FBP1: variants seen among roughly 807,000 people sequenced by gnomAD.
The protein encoded by FBP1 is fructose-bisphosphatase 1, also known as fructose-1,6-bisphosphatase 1.
FBP1 carries 22 observed loss-of-function variants against 29.9 expected under a neutral mutation model. The observed-to-expected ratio is 0.74, with a 90% CI of 0.53 to 1.05. The LOEUF (loss-of-function observed/expected upper bound fraction) is 1.05. Ranked by LOEUF, FBP1 falls within the 50% of genes least tolerant of loss-of-function variation. FBP1 has a pLI of 0.00. For synonymous variants in FBP1, 175 were observed against 178.6 expected (o/e 0.98, Z 0.16); for missense variants, 345 against 448.2 (o/e 0.77, Z 2.08).
chr9:94,635,624 G>A lies in FBP1; in HGVS notation c.170+3517C>T, dbSNP rs1587869032. On this transcript the variant is annotated intron_variant, in intron 1 of 6. Coordinates refer to ENST00000375326, the MANE Select transcript of FBP1 (RefSeq NM_000507.4). Reference sequence around the variant, plus strand: ...GTTGGGGGCCTGGCTTGAGAATCATGCTACCTGCCTGATGACATGTGATAC... The same window carrying A: ...GTTGGGGGCCTGGCTTGAGAATCATACTACCTGCCTGATGACATGTGATAC... Among the ~76,000 whole-genome samples, 3 of 152,326 alleles carry A rather than the reference G, an allele frequency of 2.0e-5. No individual in the cohort carries two copies. The South Asian group carries it at 6.2e-4, about 32-fold the overall frequency.
intron 2 of FBP1, 145 bp from the exon 3 acceptor site, chr9:94,618,005 A>T (rs1006768213): frequency 7.3e-5 from 50 of 685,546 alleles, no homozygotes; most frequent in Middle Eastern, 3.0e-4. Context: ...GGAAGGCATG[A>T]GATGGCATAC....
intron 1 of FBP1, among the ~76,000 whole-genome samples, chr9:94,628,922 T>C (rs553649384): frequency 5.3e-5 from 8 of 152,362 alleles, no homozygotes; most frequent in Admixed American, 1.3e-4. Context: ...ATCAAGTTTA[T>C]AAAACAAGTA....
intron 1 of FBP1, among the ~76,000 whole-genome samples, chr9:94,630,805 G>C (rs1828094064): frequency 6.6e-6 from 1 of 151,116 alleles, no homozygotes; most frequent in South Asian, 2.1e-4. Flanking sequence ...ATCAAGTTGT[G>C]CAAAGCCCCT....
intron 3 of FBP1, among the ~76,000 whole-genome samples, chr9:94,612,078 A>G (rs1418868756): frequency 6.6e-6 from 1 of 152,228 alleles, no homozygotes; most frequent in Non-Finnish European, 1.5e-5. Context: ...GGAGCTAAAC[A>G]CAGACTAAAC....
chr9:94,639,160 T>G lies in FBP1; in HGVS notation c.151A>C (p.Lys51Gln). Reference protein sequence around the residue: ...AVKAISSAVRKAGIAHLYGIA... With the variant: ...AVKAISSAVRQAGIAHLYGIA... ...ACTCACAGGTGCGCGATGCCCGCCTTGCGCACCGCCGAAGAGATGGCTTTG... is the reference window on the plus strand; with the variant it reads ...ACTCACAGGTGCGCGATGCCCGCCTGGCGCACCGCCGAAGAGATGGCTTTG... Residue 51 changes from lysine to glutamine, a missense_variant, in exon 1 of 7, where the codon AAG becomes CAG. Transcript: ENST00000375326. 1 of 1,603,448 alleles carries G rather than the reference T, an allele frequency of 6.2e-7. No homozygotes were observed. The highest frequency in any genetic ancestry group is 8.5e-7 in the Non-Finnish European group (1 of 1,175,436).
intron 3 of FBP1, among the ~76,000 whole-genome samples, chr9:94,615,575 T>C (rs1364747645): frequency 6.6e-6 from 1 of 152,220 alleles, no homozygotes; most frequent in Non-Finnish European, 1.5e-5. Flanking sequence ...AATGGTATGT[T>C]CCTTGGCATG....
intron 4 of FBP1, among the ~76,000 whole-genome samples, chr9:94,607,917 T>G (rs1359923959): frequency 6.6e-6 from 1 of 152,250 alleles, no homozygotes; most frequent in African/African-American, 2.4e-5. Context: ...TCACTGGAAG[T>G]GATTCTTCTT....
At chr9:94,633,372 G>A (rs1459842400) in intron 1 of FBP1, among the ~76,000 whole-genome samples, 1 of 152,046 alleles carries the variant, frequency 6.6e-6, no homozygotes, top group African/African-American at 2.4e-5. Flanking sequence ...CTCCAGTCAC[G>A]CAACTGCCCC....
At chr9:94,634,139 C>T (rs1003790680) in intron 1 of FBP1, among the ~76,000 whole-genome samples, 11 of 150,978 alleles carry the variant, frequency 7.3e-5, no homozygotes, top group South Asian at 2.1e-4. Context: ...ACTGAAAATA[C>T]AAAAAAATTA....
Position 94,606,799 on chromosome 9 carries a change from C to T in FBP1, c.705+16G>A. 6.2e-7 allele frequency: 1 copy of T among 1,612,052 alleles called. No homozygotes were observed. Among genetic ancestry groups the T allele is most frequent in the Non-Finnish European group, 8.5e-7 (1 of 1,179,034 alleles). Reference sequence around the variant, plus strand: ...ATGCCCAGAACCTGCACCACCCTCCCCGGGCCCTCACTTACTGGGGGGAAC... The same window carrying T: ...ATGCCCAGAACCTGCACCACCCTCCTCGGGCCCTCACTTACTGGGGGGAAC... On this transcript the variant is annotated intron_variant, in intron 5 of 6. Transcript: ENST00000375326.
chr9:94,631,124 T>C (rs533477895), intron 1 of FBP1, among the ~76,000 whole-genome samples: 272 of 152,352 alleles, frequency 1.8e-3, no homozygotes, highest in Non-Finnish European at 3.0e-3. Context: ...ACTTCAATTT[T>C]ATTCAAATTA....
chr9:94,605,957 G>A (rs1827693301), intron 5 of FBP1, among the ~76,000 whole-genome samples: 2 of 152,150 alleles, frequency 1.3e-5, no homozygotes, highest in African/African-American at 2.4e-5. Context: ...TACAGGAGAG[G>A]AAACTGCACA....
rs1316405512 is a variant in FBP1, at chr9:94,603,456, C to T, written c.942G>A (p.Arg314=). 5 of 1,613,942 alleles carry T rather than the reference C, an allele frequency of 3.1e-6. No homozygotes were observed. Among genetic ancestry groups the T allele is most frequent in the Non-Finnish European group, 3.4e-6 (4 of 1,179,970 alleles). ...CGGGGGATCCCAAGATCACCGGCGC[C>T]CTCTGGTGAATGTCTGTGGGAATGA... ...LDVIPTDIHQ[R]APVILGSPDD... Residue 314 remains arginine, a synonymous_variant, in exon 7 of 7, where the codon AGG becomes AGA. Coordinates refer to ENST00000375326, the MANE Select transcript of FBP1 (RefSeq NM_000507.4).
At chr9:94,626,304 A>G (rs1828025453) in intron 1 of FBP1, among the ~76,000 whole-genome samples, 2 of 152,240 alleles carry the variant, frequency 1.3e-5, no homozygotes, top group South Asian at 4.1e-4. Flanking sequence ...GCTTCCAGAA[A>G]AGCACAGGAA....
Position 94,624,255 on chromosome 9 carries a change from G to A in FBP1, c.171-3764C>T, listed in dbSNP as rs28369673. On this transcript the variant is annotated intron_variant, in intron 1 of 6. Transcript: ENST00000375326. ...CAGGAGGCTGAGGCAGAAGAATGGC[G>A]TGAACCCGGGAGGCGGAGCTTGCAG... Among the ~76,000 whole-genome samples, 38 of 151,312 alleles carry A rather than the reference G, an allele frequency of 2.5e-4. No individual in the cohort carries two copies. In the East Asian group the frequency reaches 6.8e-3, roughly 27 times the overall value.
intron 4 of FBP1, among the ~76,000 whole-genome samples, chr9:94,608,606 C>T (rs1827735557): frequency 1.3e-5 from 2 of 152,052 alleles, no homozygotes; most frequent in Admixed American, 1.3e-4. Flanking sequence ...CACTAACTCC[C>T]CCACCCCACC....
rs1209657034 is a variant in FBP1, at chr9:94,639,179, G to GC, written c.131_132insG (p.Ile45HisfsTer25). The GC allele has an allele frequency of 1.2e-6, 2 of 1,605,792 alleles. No individual in the cohort carries two copies. Among genetic ancestry groups the GC allele is most frequent in the African/African-American group, 2.7e-5 (2 of 74,926 alleles). ...CCGCCTTGCGCACCGCCGAAGAGAT[G>GC]GCTTTGACTGCTGTGCAGAGCGAGT... On this transcript the variant is annotated frameshift_variant, in exon 1 of 7. Coordinates refer to ENST00000375326, the MANE Select transcript of FBP1 (RefSeq NM_000507.4). LOFTEE classifies it high-confidence loss of function.
intron 3 of FBP1, among the ~76,000 whole-genome samples, chr9:94,612,349 G>C (rs1050566303): frequency 6.6e-6 from 1 of 152,002 alleles, no homozygotes. Context: ...AGAACCATCC[G>C]TGCCGGCCTG....
At position 94,611,106 on chromosome 9, in the gene FBP1, A is replaced by G. The variant is rs28369725; in HGVS notation, c.427-1045T>C. The stretch of plus-strand genomic sequence containing the variant: ...TCTCTATTTCCTGACCTCGTGATCC[A>G]CCTGCCTCGGCCTCCCAAAGTGCTG... On this transcript the variant is annotated intron_variant, in intron 3 of 6. Transcript: ENST00000375326. Among the ~76,000 whole-genome samples, 255 of 151,896 alleles carry G rather than the reference A, an allele frequency of 1.7e-3. 1 individual carries two copies. Among genetic ancestry groups the G allele is most frequent in the African/African-American group, 6.0e-3 (250 of 41,456 alleles).
Sources: allele counts gnomAD v4.1 joint callset (sites outside exome capture counted in the v4.1 genomes callset), GRCh38; gene constraint gnomAD v4.1.1; transcripts MANE v1.5; gene names NCBI Gene and HGNC (gene_info 2026-07-23, HGNC 2026-07-21).